Variants in STK3 observed in about 807,000 individuals in gnomAD.
STK3 encodes the protein serine/threonine-protein kinase 3.
In STK3, 41 loss-of-function variants were observed where a neutral mutation model predicts 58.0. The observed-to-expected ratio is 0.71, with a 90% CI of 0.55 to 0.92. The LOEUF (loss-of-function observed/expected upper bound fraction) is 0.92, where lower values mean the gene tolerates loss of function less well. Among genes scored for constraint, STK3 ranks in the 40% least tolerant of loss-of-function variants. STK3 has a pLI of 0.00. For missense variants in STK3, 479 were observed against 602.7 expected, an observed-to-expected ratio of 0.79 and a Z score of 2.15; for synonymous variants, 170 against 191.0, an observed-to-expected ratio of 0.89 and a Z score of 0.91.
intron 1 of STK3, among the ~76,000 whole-genome samples, chr8:98,440,762 T>C (rs1818662320): frequency 6.6e-6 from 1 of 152,230 alleles, no homozygotes; most frequent in Admixed American, 6.5e-5. Context: ...ACTAGGCACA[T>C]GTCCGTGCAT....
rs373203257 is a variant in STK3 at position 98,371,573 on chromosome 8, G to C, written n.217C>G. 2.2e-4 allele frequency: 34 copies of C among 152,372 alleles called. 1 individual carries two copies. The highest frequency in any genetic ancestry group is 7.9e-4 in the African/African-American group (33 of 41,572). The allele number at this position is 152,372 out of a possible 1,614,324, so 9.4% of individuals were successfully genotyped here. ...GAGCCAGCAGCAGGAATGTCACTCT[G>C]ATATTTTCTTCTTCAAACATTCAAC... is the stretch of plus-strand genomic sequence containing the variant. On this transcript the variant is annotated non_coding_transcript_exon_variant, in exon 3 of 3. Coordinates refer to the STK3 transcript ENST00000518704.
chr8:98,707,479 T>A (rs1826049853), intron 4 of STK3, among the ~76,000 whole-genome samples, 168 bp from the exon 5 acceptor site: 1 of 152,132 alleles, frequency 6.6e-6, no homozygotes, highest in African/African-American at 2.4e-5. Context: ...GATAGCTCAC[T>A]GCAGCCTAAA....
intron 3 of STK3, among the ~76,000 whole-genome samples, chr8:98,426,527 A>G (rs1369685569): frequency 6.6e-6 from 1 of 150,952 alleles, no homozygotes; most frequent in Non-Finnish European, 1.5e-5. Context: ...CCCGCGTACT[A>G]AGCCGATCTC....
At chr8:98,810,722 T>C (rs1834166467) in intron 1 of STK3, among the ~76,000 whole-genome samples, 1 of 152,224 alleles carries the variant, frequency 6.6e-6, no homozygotes, top group African/African-American at 2.4e-5. Flanking sequence ...GTTTGCATGT[T>C]TGTCCCCTCC....
At chr8:98,399,985 C>T (rs1239173786), downstream of STK3, among the ~76,000 whole-genome samples, 1 of 152,230 alleles carries the variant, frequency 6.6e-6, no homozygotes, top group Non-Finnish European at 1.5e-5. Flanking sequence ...CTTTTCCCCT[C>T]TGATCCCAAA....
intron 2 of STK3, among the ~76,000 whole-genome samples, chr8:98,372,325 C>G (rs1335388038): frequency 8.5e-5 from 13 of 152,174 alleles, no homozygotes. Flanking sequence ...ATGCAGAGGG[C>G]TCTTCAGGGC....
chr8:98,502,894 G>A (rs1770145903), intron 10 of STK3, among the ~76,000 whole-genome samples: 1 of 152,152 alleles, frequency 6.6e-6, no homozygotes, highest in African/African-American at 2.4e-5. Context: ...CCAGGCTTTG[G>A]TATCAGGATG....
intron 1 of STK3, among the ~76,000 whole-genome samples, chr8:98,795,807 A>G (rs916883921): frequency 2.8e-4 from 29 of 105,180 alleles, no homozygotes; most frequent in Non-Finnish European, 4.6e-4. Flanking sequence ...AATACAATAC[A>G]ATACAATACA....
At chr8:98,572,420 T>C (rs1201820549) in intron 8 of STK3, among the ~76,000 whole-genome samples, 1 of 152,144 alleles carries the variant, frequency 6.6e-6, no homozygotes. Flanking sequence ...ATGAAATAAA[T>C]TGTCCTACTG....
rs368968841 is a variant in STK3, at chr8:98,699,676, G to A, written c.684+6791C>T. Among the ~76,000 whole-genome samples the A allele has an allele frequency of 1.5e-3, 230 of 152,262 alleles. 2 individuals are homozygous for A. Among genetic ancestry groups the A allele is most frequent in the Middle Eastern group, 3.4e-3 (1 of 292 alleles). On this transcript the variant is annotated intron_variant, in intron 6 of 10. Transcript: ENST00000419617. ...CCAGCAGCGGTGGCTGCAGAACAGC[G>A]GATTTTCATGAACCGCGAATGCTGC...
chr8:98,926,959 C>T (rs1446504396), intron 1 of STK3, among the ~76,000 whole-genome samples: 7 of 152,080 alleles, frequency 4.6e-5, no homozygotes, highest in Admixed American at 4.6e-4. Context: ...GCATGGGGCC[C>T]GAATGCAGAC....
At chr8:98,759,852 C>T (rs1830511900) in intron 3 of STK3, among the ~76,000 whole-genome samples, 1 of 152,112 alleles carries the variant, frequency 6.6e-6, no homozygotes, top group South Asian at 2.1e-4. Context: ...GTTCCAGGAA[C>T]CCCACAGATA....
intron 6 of STK3, among the ~76,000 whole-genome samples, chr8:98,650,322 T>A (rs1237296418): frequency 6.6e-6 from 1 of 152,236 alleles, no homozygotes; most frequent in Non-Finnish European, 1.5e-5. Context: ...ATTCCACTGT[T>A]TAAAATGTTT....
chr8:98,492,543 A>G (rs945370724), intron 10 of STK3, among the ~76,000 whole-genome samples: 6 of 152,238 alleles, frequency 3.9e-5, no homozygotes, highest in African/African-American at 1.2e-4. Context: ...AATAGTTTAA[A>G]GAAAGGGAAC....
intron 3 of STK3, among the ~76,000 whole-genome samples, chr8:98,840,667 CAT>C (rs1835949030): frequency 6.8e-6 from 1 of 146,032 alleles, no homozygotes; most frequent in Non-Finnish European, 1.5e-5. Flanking sequence ...TATACACACA[CAT>C]AACTTATTAA....
chr8:98,440,182 G>T (rs1462395361), intron 1 of STK3, among the ~76,000 whole-genome samples: 1 of 152,184 alleles, frequency 6.6e-6, no homozygotes, highest in Non-Finnish European at 1.5e-5. Flanking sequence ...ACGGACAAAA[G>T]GTTGGGGACT....
intron 4 of STK3, among the ~76,000 whole-genome samples, chr8:98,724,861 CT>C (rs1256229552): frequency 6.6e-6 from 1 of 152,126 alleles, no homozygotes; most frequent in Non-Finnish European, 1.5e-5. Context: ...TTACGTAGGT[CT>C]TAAAGACTAT....
chr8:98,863,669 T>C (rs1184459319), intron 3 of STK3, among the ~76,000 whole-genome samples: 1 of 152,228 alleles, frequency 6.6e-6, no homozygotes, highest in Non-Finnish European at 1.5e-5. Flanking sequence ...TTACCATCCA[T>C]ATTCTCACTA....
the STK3 span, among the ~76,000 whole-genome samples, chr8:98,357,277 G>A: frequency 6.6e-6 from 1 of 152,142 alleles, no homozygotes; most frequent in African/African-American, 2.4e-5. Context: ...ATGACCCAGG[G>A]TTTACCTGCC....
Sources: allele counts gnomAD v4.1 joint callset (sites outside exome capture counted in the v4.1 genomes callset), GRCh38; gene constraint gnomAD v4.1.1; transcripts MANE v1.5; gene names NCBI Gene and HGNC (gene_info 2026-07-23, HGNC 2026-07-21).